Variants in LDLRAD4 observed in about 807,000 individuals in gnomAD.
LDLRAD4 encodes the protein low-density lipoprotein receptor class A domain-containing protein 4.
A neutral mutation model predicts 17.0 loss-of-function variants in LDLRAD4; 5 were observed. The ratio of observed to expected loss-of-function variants is 0.29; its 90% CI spans 0.15 to 0.62. LDLRAD4 has a LOEUF of 0.62. LDLRAD4 is among the 20% of genes least tolerant of loss of function. The probability of loss-of-function intolerance (pLI) is 0.84; values close to 1 mark genes in which losing one functional copy is unlikely to be tolerated. For missense variants in LDLRAD4, 340 were observed against 424.7 expected (o/e 0.80, Z 1.75); for synonymous variants, 168 against 171.8 (o/e 0.98, Z 0.17).
intron 3 of LDLRAD4, among the ~76,000 whole-genome samples, chr18:13,537,120 G>T (rs974167598): frequency 6.6e-6 from 1 of 152,170 alleles, no homozygotes; most frequent in Admixed American, 6.5e-5. Context: ...TTTGGTATCA[G>T]AGTAGTATTG....
chr18:13,452,340 C>T (rs1280738217), intron 3 of LDLRAD4, among the ~76,000 whole-genome samples: 1 of 152,000 alleles, frequency 6.6e-6, no homozygotes, highest in African/African-American at 2.4e-5. Context: ...TTGGAGGATG[C>T]AGCGGGTGCA....
intron 1 of LDLRAD4, among the ~76,000 whole-genome samples, chr18:13,382,949 C>T (rs1245458631): frequency 6.6e-6 from 1 of 152,238 alleles, no homozygotes; most frequent in Non-Finnish European, 1.5e-5. Context: ...GCATTTAAGT[C>T]AATGACCTCT....
At chr18:13,331,170 C>T (rs867869092) in intron 1 of LDLRAD4, among the ~76,000 whole-genome samples, 19 of 152,224 alleles carry the variant, frequency 1.2e-4, no homozygotes, top group South Asian at 4.1e-4. Context: ...GCCAGAAGGA[C>T]AGGTCACAAG....
chr18:13,217,755 G>C (rs1361475704), upstream of LDLRAD4: 1 of 151,126 alleles, frequency 6.6e-6, no homozygotes, highest in Admixed American at 6.6e-5. This position sits in a 1 kb window ranked among gnomAD's most constrained non-coding sequence, Gnocchi z 4.9. Flanking sequence ...GCTGCGGACC[G>C]GGCCCGGCGG....
At chr18:13,376,566 T>G (rs1401993937) in intron 1 of LDLRAD4, among the ~76,000 whole-genome samples, 1 of 152,292 alleles carries the variant, frequency 6.6e-6, no homozygotes, top group East Asian at 1.9e-4. Flanking sequence ...CACAGGGGCT[T>G]CTTCTGCGGG....
chr18:13,217,749 C>A (rs1373127789), upstream of LDLRAD4: 2 of 151,096 alleles, frequency 1.3e-5, no homozygotes, highest in Non-Finnish European at 3.0e-5. The surrounding 1 kb of genome is among the most constrained non-coding windows in gnomAD (Gnocchi z 4.9). Flanking sequence ...GCTGAGGCTG[C>A]GGACCGGGCC....
chr18:13,361,067 G>A (rs1369734391), intron 1 of LDLRAD4, among the ~76,000 whole-genome samples: 1 of 152,172 alleles, frequency 6.6e-6, no homozygotes, highest in East Asian at 1.9e-4. Flanking sequence ...GGGGTCAGTA[G>A]CACACGTGAC....
At chr18:13,381,394 C>T (rs2085351690) in intron 1 of LDLRAD4, among the ~76,000 whole-genome samples, 1 of 152,128 alleles carries the variant, frequency 6.6e-6, no homozygotes, top group African/African-American at 2.4e-5. Context: ...TGCCCATTTG[C>T]CCTCTCTCTC....
intron 1 of LDLRAD4, among the ~76,000 whole-genome samples, chr18:13,338,588 G>A (rs2082221011): frequency 6.6e-6 from 1 of 152,174 alleles, no homozygotes; most frequent in African/African-American, 2.4e-5. Context: ...AAATAGAATT[G>A]AACTGTGCCC....
In LDLRAD4 at chr18:13,344,335, A is replaced by G. The variant is rs536601539; in HGVS notation, c.-382-43006A>G. Among the ~76,000 whole-genome samples, 71 of 152,352 alleles carry G rather than the reference A, an allele frequency of 4.7e-4. 2 individuals carry two copies. In the East Asian group the frequency reaches 0.012, roughly 26 times the overall value. On this transcript the variant is annotated intron_variant, in intron 1 of 5. Transcript: ENST00000359446. The stretch of plus-strand genomic sequence containing the variant: ...GTTTTCCCAGCACCATTTATTAAAT[A>G]GGGAATCCTTTCCCCATTTCTTGTT...
chr18:13,284,013 A>T (rs1490471682), intron 1 of LDLRAD4, among the ~76,000 whole-genome samples: 1 of 152,194 alleles, frequency 6.6e-6, no homozygotes. Flanking sequence ...AAAGGCCCTC[A>T]TAATTCAATT....
At chr18:13,493,682 A>G (rs1297345109) in intron 3 of LDLRAD4, among the ~76,000 whole-genome samples, 3 of 152,238 alleles carry the variant, frequency 2.0e-5, no homozygotes, top group East Asian at 3.8e-4. Flanking sequence ...TTCTTTAAGC[A>G]AGGAACCAAG....
At chr18:13,247,960 CTT>C (rs34516593) in intron 1 of LDLRAD4, among the ~76,000 whole-genome samples, 7 of 131,992 alleles carry the variant, frequency 5.3e-5, no homozygotes, top group Non-Finnish European at 6.2e-5. Flanking sequence ...CGCCCCCCGC[CTT>C]TTTTTTTTTT....
chr18:13,371,388 G>A (rs1358391366), intron 1 of LDLRAD4, among the ~76,000 whole-genome samples: 1 of 152,182 alleles, frequency 6.6e-6, no homozygotes, highest in Non-Finnish European at 1.5e-5. Flanking sequence ...AGCCCTTGCC[G>A]CCGCGTTGCT....
At chr18:13,501,981 G>A (rs1421712963) in intron 3 of LDLRAD4, among the ~76,000 whole-genome samples, 2 of 152,218 alleles carry the variant, frequency 1.3e-5, no homozygotes, top group Non-Finnish European at 2.9e-5. Context: ...CTTTGAAATT[G>A]GTGCCTACAC....
intron 3 of LDLRAD4, among the ~76,000 whole-genome samples, chr18:13,595,000 G>C (rs3887193): frequency 6.6e-6 from 1 of 151,582 alleles, no homozygotes; most frequent in Non-Finnish European, 1.5e-5. Context: ...TTTTCATTTC[G>C]TACAAGTTAT....
At chr18:13,402,094 C>T (rs2087270822) in intron 2 of LDLRAD4, among the ~76,000 whole-genome samples, 1 of 152,224 alleles carries the variant, frequency 6.6e-6, no homozygotes, top group Non-Finnish European at 1.5e-5. Flanking sequence ...ATGCACTTTT[C>T]ATGATATTTC....
chr18:13,304,882 G>T (rs534539660), intron 1 of LDLRAD4, among the ~76,000 whole-genome samples: 1 of 152,316 alleles, frequency 6.6e-6, no homozygotes, highest in East Asian at 1.9e-4. Context: ...TGTGAGGAAG[G>T]CAGACTCAGC....
At chr18:13,325,841 C>G (rs930817535) in intron 1 of LDLRAD4, among the ~76,000 whole-genome samples, 5 of 152,144 alleles carry the variant, frequency 3.3e-5, no homozygotes, top group African/African-American at 4.8e-5. Context: ...CAAGCTCCCC[C>G]TCCCGGGTTC....
Sources: gnomAD v4.1 joint callset for allele counts (sites outside exome capture counted in the v4.1 genomes callset) on GRCh38, gnomAD v4.1.1 for gene constraint, Gnocchi (gnomAD v3.1) non-coding constraint, MANE v1.5 for transcripts, NCBI Gene and HGNC (gene_info 2026-07-23, HGNC 2026-07-21) for gene names.